The following MRI1 variants were observed in gnomAD, a reference collection of about 807,000 sequenced individuals.
MRI1 encodes the protein methylthioribose-1-phosphate isomerase 1.
MRI1 carries 32 observed loss-of-function variants against 27.3 expected under a neutral mutation model. That is an observed-to-expected ratio of 1.17 (90% CI 0.88 to 1.57). The LOEUF (loss-of-function observed/expected upper bound fraction) is 1.57, where lower values mean the gene tolerates loss of function less well. Among genes scored for constraint, MRI1 ranks in the 40% most tolerant of loss-of-function variants. The pLI, the probability that MRI1 is intolerant of heterozygous loss-of-function variation, is 0.00. For synonymous variants in MRI1, 216 were observed against 227.4 expected (o/e 0.95, Z 0.45); for missense variants, 508 against 516.1 (o/e 0.98, Z 0.15).
chr19:13,772,941 C>G lies in MRI1; in HGVS notation c.*660C>G, dbSNP rs1476947239. On this transcript the variant is annotated 3_prime_UTR_variant, in exon 6 of 6. Coordinates refer to ENST00000040663, the MANE Select transcript of MRI1 (RefSeq NM_001031727.4). Reference sequence around the variant, plus strand: ...TGGAGCTAGGGTGACATCTCCAGGGCAGAATTTTAAGAGGACACCAAAAAA... The same window carrying G: ...TGGAGCTAGGGTGACATCTCCAGGGGAGAATTTTAAGAGGACACCAAAAAA... 1 of 151,486 alleles carries G rather than the reference C, an allele frequency of 6.6e-6. No homozygotes were observed. The highest frequency in any genetic ancestry group is 1.5e-5 in the Non-Finnish European group (1 of 67,962). 9.4% of individuals were successfully genotyped at this position (151,486 alleles called of 1,614,324 possible).
At chr19:13,771,240 G>A (rs1211455819) in intron 5 of MRI1, among the ~76,000 whole-genome samples, 3 of 151,526 alleles carry the variant, frequency 2.0e-5, no homozygotes, top group Non-Finnish European at 4.4e-5. Context: ...GGTGGCAGGC[G>A]CCTGTAATCC....
chr19:13,773,104 G>A lies in MRI1; in HGVS notation c.*823G>A, dbSNP rs1056527662. 1 of 151,830 alleles carries A rather than the reference G, an allele frequency of 6.6e-6. No individual in the cohort carries two copies. Among genetic ancestry groups the A allele is most frequent in the African/African-American group, 2.4e-5 (1 of 41,352 alleles). The allele number at this position is 151,830 out of a possible 1,614,324, so 9.4% of individuals were successfully genotyped here. On this transcript the variant is annotated 3_prime_UTR_variant, in exon 6 of 6. Transcript: ENST00000040663. The stretch of plus-strand genomic sequence containing the variant: ...GCTCACTGAAACCTGTGCCTCCCCG[G>A]TTCAAGCGATTCTCCTGCCACAGCC...
At position 13,768,745 on chromosome 19, in the gene MRI1, G is replaced by C; in HGVS notation, c.724+8G>C. On this transcript the variant is annotated splice_region_variant and intron_variant, in intron 4 of 5. Transcript: ENST00000040663. Reference sequence around the variant, plus strand: ...CCCATAGGGGCGTGTCAGGTAAGCAGACGGTAAGCCCTGGGGGCGGGGCTC... The same window carrying C: ...CCCATAGGGGCGTGTCAGGTAAGCACACGGTAAGCCCTGGGGGCGGGGCTC... 6.2e-7 allele frequency: 1 copy of C among 1,610,634 alleles called. No homozygotes were observed. The highest frequency in any genetic ancestry group is 8.5e-7 in the Non-Finnish European group (1 of 1,177,876).
intron 3 of MRI1, 50 bp downstream of exon 3, chr19:13,766,179 T>C: frequency 6.8e-7 from 1 of 1,465,572 alleles, no homozygotes; most frequent in South Asian, 1.4e-5. Flanking sequence ...GGAACTTTTT[T>C]AGATACAAGA....
intron 5 of MRI1, 43 bp downstream of exon 5, chr19:13,769,091 A>C: frequency 1.3e-6 from 2 of 1,510,944 alleles, no homozygotes; most frequent in Non-Finnish European, 1.8e-6. Context: ...GCTCCTGGGC[A>C]CTTCATGGAG....
In MRI1 at chr19:13,773,626, C is replaced by G. The variant is rs1974317274; in HGVS notation, c.*1345C>G. On this transcript the variant is annotated 3_prime_UTR_variant, in exon 6 of 6. Coordinates refer to ENST00000040663, the MANE Select transcript of MRI1 (RefSeq NM_001031727.4). ...CCTAAGCAACAGAGTGAGACCCCAT[C>G]TCTTTAAAAAAAAAAAAAAATCCAT... 8.1e-6 allele frequency: 1 copy of G among 123,366 alleles called. No individual in the cohort carries two copies. The allele number at this position is 123,366 out of a possible 1,614,324, so 7.6% of individuals were successfully genotyped here.
At chr19:13,767,384 A>G (rs1202145774) in intron 3 of MRI1, among the ~76,000 whole-genome samples, 2 of 152,020 alleles carry the variant, frequency 1.3e-5, no homozygotes, top group African/African-American at 4.8e-5. Flanking sequence ...ATTGCATATC[A>G]TAGCTAGTCC....
At position 13,773,995 on chromosome 19, in the gene MRI1, A is replaced by C. The variant is rs2145210148; in HGVS notation, c.*1714A>C. ...GCTAGAACCCCGCACTTGTGCCTTG[A>C]GCTTACTGACCTCAACACCCTGGTT... On this transcript the variant is annotated 3_prime_UTR_variant, in exon 6 of 6. Coordinates refer to ENST00000040663, the MANE Select transcript of MRI1 (RefSeq NM_001031727.4). 6.4e-6 allele frequency: 1 copy of C among 156,842 alleles called. No individual in the cohort carries two copies. The highest frequency in any genetic ancestry group is 1.9e-4 in the East Asian group (1 of 5,398). 9.7% of individuals were successfully genotyped at this position (156,842 alleles called of 1,614,324 possible). A position where few individuals can be genotyped will look rare whatever the true frequency, so the allele number is the denominator to read the frequency against.
intron 5 of MRI1, among the ~76,000 whole-genome samples, chr19:13,769,919 CAAAAAA>C (rs796381451): frequency 1.5e-5 from 2 of 130,586 alleles, no homozygotes; most frequent in African/African-American, 5.7e-5. Flanking sequence ...GATTCTGTCT[CAAAAAA>C]AAAAAAGAAA....
intron 4 of MRI1, 31 bp downstream of exon 4, chr19:13,768,768 CT>C: frequency 6.3e-7 from 1 of 1,597,298 alleles, no homozygotes. Context: ...GGGGGCGGGG[CT>C]CTGGAGCATG....
At position 13,768,344 on chromosome 19, in the gene MRI1, G is replaced by T. The variant is rs900049892; in HGVS notation, c.548-217G>T. ...TATCAGGGAAGGCTTCACCGAGAAG[G>T]TGTCCTTTAAACAGACGTGAAACGG... On this transcript the variant is annotated intron_variant, in intron 3 of 5. Coordinates refer to ENST00000040663, the MANE Select transcript of MRI1 (RefSeq NM_001031727.4). 4 of 1,251,284 alleles carry T rather than the reference G, an allele frequency of 3.2e-6. No homozygotes were observed. The African/African-American group carries it at 4.5e-5, about 14-fold the overall frequency. The allele number at this position is 1,251,284 out of a possible 1,614,324, so 77.5% of individuals were successfully genotyped here. A position where few individuals can be genotyped will look rare whatever the true frequency, so the allele number is the denominator to read the frequency against.
At position 13,768,992 on chromosome 19, in the gene MRI1, A is replaced by G; in HGVS notation, c.893A>G (p.Glu298Gly). 1 of 1,613,850 alleles carries G rather than the reference A, an allele frequency of 6.2e-7. No individual in the cohort carries two copies. Among genetic ancestry groups the G allele is most frequent in the African/African-American group, 1.3e-5 (1 of 75,018 alleles). ...GAGACCGGCAAGGAGATCATTATTG[A>G]AGAGCGACCGGGCCAGGAGCTGACC... ...RLETGKEIII[E>G]ERPGQELTDV... The change falls in exon 5 of 6, where the codon GAA becomes GGA. Residue 298 changes from glutamate (E) to glycine (G), a missense_variant. Physicochemically the swap from Glu to Gly is moderately conservative, Grantham distance 98. Around this residue, in one of 3 missense-constraint regions of MRI1, gnomAD observed 457 missense variants for 452.8 expected, o/e 1.01. Coordinates refer to ENST00000040663, the MANE Select transcript of MRI1 (RefSeq NM_001031727.4).
At position 13,768,914 on chromosome 19, in the gene MRI1, A is replaced by G. The variant is rs1209296649; in HGVS notation, c.815A>G (p.His272Arg). 1 of 1,614,108 alleles carries G rather than the reference A, an allele frequency of 6.2e-7. No individual in the cohort carries two copies. Among genetic ancestry groups the G allele is most frequent in the African/African-American group, 1.3e-5 (1 of 75,046 alleles). Residue 272 changes from histidine (H) to arginine (R), a missense_variant, in exon 5 of 6, where the codon CAT (histidine) becomes CGT (arginine). Around this residue, in one of 3 missense-constraint regions of MRI1, gnomAD observed 457 missense variants for 452.8 expected, o/e 1.01. Transcript: ENST00000040663. Reference protein sequence around the residue: ...TYQLAIVAKHHGIPFYVAAPS... With the variant: ...TYQLAIVAKHRGIPFYVAAPS... ...CAGCTGGCCATTGTCGCCAAGCACC[A>G]TGGCATTCCCTTCTACGTGGCTGCC...
At chr19:13,766,725 CT>C (rs1422401904) in intron 3 of MRI1, among the ~76,000 whole-genome samples, 1 of 152,056 alleles carries the variant, frequency 6.6e-6, no homozygotes, top group African/African-American at 2.4e-5. Context: ...ATGGAAAGAC[CT>C]CTGCCTTTGA....
intron 2 of MRI1, 29 bp downstream of exon 2, chr19:13,765,138 C>T (rs1974093152): frequency 6.7e-7 from 1 of 1,484,904 alleles, no homozygotes; most frequent in African/African-American, 1.4e-5. Context: ...AGGCACGGCG[C>T]TGAGCAGGAA....
intron 2 of MRI1, 59 bp downstream of exon 2, chr19:13,765,168 G>A (rs968077337): frequency 3.0e-6 from 4 of 1,351,508 alleles, no homozygotes; most frequent in East Asian, 5.8e-5. Context: ...CTCTTTTTAA[G>A]TACAGTGACC....
chr19:13,765,525 C>G (rs1303949785), intron 2 of MRI1, among the ~76,000 whole-genome samples: 1 of 152,168 alleles, frequency 6.6e-6, no homozygotes, highest in African/African-American at 2.4e-5. Flanking sequence ...TCACTTTACC[C>G]CACCAAGCTC....
intron 4 of MRI1, 26 bp from the exon 5 acceptor site, chr19:13,768,798 C>G: frequency 1.1e-5 from 17 of 1,592,906 alleles, no homozygotes; most frequent in Non-Finnish European, 1.5e-5. Flanking sequence ...TAATGACCCC[C>G]AACTTCTCAT....
intron 2 of MRI1, 150 bp from the exon 3 acceptor site, chr19:13,765,804 T>C: frequency 1.3e-6 from 1 of 782,026 alleles, no homozygotes; most frequent in Non-Finnish European, 2.0e-6. Context: ...GGAGTGACAC[T>C]TCGGTGGCCC....
Sources: allele counts gnomAD v4.1 joint callset (sites outside exome capture counted in the v4.1 genomes callset), GRCh38; gene constraint gnomAD v4.1.1; regional missense constraint gnomAD v4.1.1; transcripts MANE v1.5; gene names NCBI Gene and HGNC (gene_info 2026-07-23, HGNC 2026-07-21).